Variants in PCYT1A observed in about 807,000 individuals in gnomAD.
PCYT1A encodes phosphate cytidylyltransferase 1A, choline.
In PCYT1A, 25 loss-of-function variants were observed where a neutral mutation model predicts 43.7. The ratio of observed to expected loss-of-function variants is 0.57; its 90% CI spans 0.42 to 0.80. The LOEUF (loss-of-function observed/expected upper bound fraction) is 0.80, where lower values mean the gene tolerates loss of function less well. Among genes scored for constraint, PCYT1A ranks in the 30% least tolerant of loss-of-function variants. The pLI is 0.00. For synonymous variants in PCYT1A, 172 were observed against 170.7 expected, an observed-to-expected ratio of 1.01 and a Z score of -0.06; for missense variants, 421 against 474.2, an observed-to-expected ratio of 0.89 and a Z score of 1.04.
intron 2 of PCYT1A, among the ~76,000 whole-genome samples, chr3:196,259,813 C>A (rs1188506904): frequency 1.1e-4 from 17 of 147,920 alleles, no homozygotes; most frequent in African/African-American, 4.0e-4. Context: ...CCACTGCACT[C>A]CAGCCTGGGC....
chr3:196,243,633 G>A (rs555814385), intron 5 of PCYT1A, among the ~76,000 whole-genome samples: 3 of 152,090 alleles, frequency 2.0e-5, no homozygotes, highest in Non-Finnish European at 4.4e-5. Context: ...CAACCTCCCT[G>A]CCTGATTCTC....
At chr3:196,262,123 A>C (rs73086612) in intron 2 of PCYT1A, among the ~76,000 whole-genome samples, 34 of 152,312 alleles carry the variant, frequency 2.2e-4, no homozygotes, top group Admixed American at 9.2e-4. Flanking sequence ...CCTAAAACAC[A>C]TCTCCTTCAT....
At position 196,237,657 on chromosome 3, in the gene PCYT1A, A is replaced by G. The variant is rs896533718; in HGVS notation, c.*1031T>C. 4 of 152,252 alleles carry G rather than the reference A, an allele frequency of 2.6e-5. No homozygotes were observed. Among genetic ancestry groups the G allele is most frequent in the African/African-American group, 9.6e-5 (4 of 41,462 alleles). The allele number at this position is 152,252 out of a possible 1,614,324, so 9.4% of individuals were successfully genotyped here. A position where few individuals can be genotyped will look rare whatever the true frequency, so the allele number is the denominator to read the frequency against. On this transcript the variant is annotated 3_prime_UTR_variant, in exon 9 of 9. Transcript: ENST00000431016. Reference sequence around the variant, plus strand: ...ATGCTTTTGCCTTTACATTCTGTGCAAATCTCTCTAATATGGCTATGACCA... The same window carrying G: ...ATGCTTTTGCCTTTACATTCTGTGCGAATCTCTCTAATATGGCTATGACCA...
Position 196,235,668 on chromosome 3 carries a change from C to G in PCYT1A, c.*3020G>C, listed in dbSNP as rs1724140528. ...TTCTAATGTCTCACACACAGAGGCT[C>G]TGCTCTAAGGCCAACACTTCTGGCT... On this transcript the variant is annotated 3_prime_UTR_variant, in exon 9 of 9. Coordinates refer to ENST00000431016, the MANE Select transcript of PCYT1A (RefSeq NM_001312673.2). The surrounding 1 kb of genome is among the most constrained non-coding windows in gnomAD (Gnocchi z 4.3). 1.3e-5 allele frequency: 2 copies of G among 152,300 alleles called. No homozygotes were observed. The highest frequency in any genetic ancestry group is 4.1e-4 in the South Asian group (2 of 4,834). The allele number at this position is 152,300 out of a possible 1,614,324, so 9.4% of individuals were successfully genotyped here. A position where few individuals can be genotyped will look rare whatever the true frequency, so the allele number is the denominator to read the frequency against.
rs1724812684 is a variant in PCYT1A at position 196,252,074 on chromosome 3, GACTAC to G, written c.218-3756_218-3752del. 5.3e-5 allele frequency among the ~76,000 whole-genome samples: 8 copies of G among 149,950 alleles called. No homozygotes were observed. The East Asian group carries it at 1.1e-3, about 20-fold the overall frequency. ...ACAGCGCACACCACCACGCCCCGCT[GACTAC>G]AGCGCACCCCGCCACGCCCCGCAGA... On this transcript the variant is annotated intron_variant, in intron 3 of 8. Coordinates refer to ENST00000431016, the MANE Select transcript of PCYT1A (RefSeq NM_001312673.2). This position sits in a 1 kb window ranked among gnomAD's most constrained non-coding sequence, Gnocchi z 4.0.
At chr3:196,244,327 C>T (rs1724479436) in intron 5 of PCYT1A, among the ~76,000 whole-genome samples, 1 of 149,962 alleles carries the variant, frequency 6.7e-6, no homozygotes, top group East Asian at 2.0e-4. Flanking sequence ...TGAGGAGCGC[C>T]TCCTCCCCGC....
intron 3 of PCYT1A, among the ~76,000 whole-genome samples, chr3:196,248,819 C>T (rs185434610): frequency 2.7e-4 from 41 of 150,956 alleles, no homozygotes; most frequent in African/African-American, 9.7e-4. Flanking sequence ...TGCAGTGGCA[C>T]GATCTCGGCT....
chr3:196,280,570 G>GTTTTTTTTTTTTTTTTTTTTTTTATTTT, intron 1 of PCYT1A, among the ~76,000 whole-genome samples: 1 of 91,342 alleles, frequency 1.1e-5, no homozygotes, highest in Non-Finnish European at 2.1e-5. Context: ...TATTTTTATT[G>GTTTTTTTTTTTTTTTTTTTTTTTATTTT]TTTTTTTTTT....
rs923243467 is a variant in PCYT1A at position 196,263,255 on chromosome 3, C to T, written c.118-5368G>A. Among the ~76,000 whole-genome samples, 12 of 152,100 alleles carry T rather than the reference C, an allele frequency of 7.9e-5. 1 individual carries two copies. Among genetic ancestry groups the T allele is most frequent in the African/African-American group, 2.4e-4 (10 of 41,388 alleles). On this transcript the variant is annotated intron_variant, in intron 2 of 8. Transcript: ENST00000431016. ...TTTAAGAGACAGGGTCTCACTGTTG[C>T]CCAGGTTGGAATGCAGCAGTGCGAT...
rs1724841946 is a variant in PCYT1A, at chr3:196,252,797, G to A, written c.218-4474C>T. On this transcript the variant is annotated intron_variant, in intron 3 of 8. Coordinates refer to ENST00000431016, the MANE Select transcript of PCYT1A (RefSeq NM_001312673.2). This position sits in a 1 kb window ranked among gnomAD's most constrained non-coding sequence, Gnocchi z 4.0. ...AATTCCAGCACCTTGGGAGACCAAG[G>A]TAGGAGGACTGCTTGAGCCCAGGAG... is the stretch of plus-strand genomic sequence containing the variant. Among the ~76,000 whole-genome samples, 1 of 152,062 alleles carries A rather than the reference G, an allele frequency of 6.6e-6. No individual in the cohort carries two copies. Among genetic ancestry groups the A allele is most frequent in the South Asian group, 2.1e-4 (1 of 4,826 alleles).
chr3:196,236,105 C>T lies in PCYT1A; in HGVS notation c.*2583G>A, dbSNP rs1724154988. ...TCAGAGGCCTGTCAGCCTGCAGGTC[C>T]CGTTCCAAGCACAGGGCATGCCAAG... On this transcript the variant is annotated 3_prime_UTR_variant, in exon 9 of 9. Coordinates refer to ENST00000431016, the MANE Select transcript of PCYT1A (RefSeq NM_001312673.2). 2 of 152,188 alleles carry T rather than the reference C, an allele frequency of 1.3e-5. No homozygotes were observed. The highest frequency in any genetic ancestry group is 2.9e-5 in the Non-Finnish European group (2 of 68,038). 9.4% of individuals were successfully genotyped at this position (152,188 alleles called of 1,614,324 possible). A position where few individuals can be genotyped will look rare whatever the true frequency, so the allele number is the denominator to read the frequency against.
chr3:196,258,071 G>A (rs1478081719), intron 2 of PCYT1A, among the ~76,000 whole-genome samples, 184 bp from the exon 3 acceptor site: 2 of 152,070 alleles, frequency 1.3e-5, no homozygotes, highest in African/African-American at 4.8e-5. Flanking sequence ...TGGATCATGA[G>A]GTCAGGAGAT....
rs1373107554 is a variant in PCYT1A at position 196,242,873 on chromosome 3, G to C, written c.487-233C>G. The stretch of plus-strand genomic sequence containing the variant: ...GCTGCTTTTGTAGCTATTTCTCCTA[G>C]TCTGCTAGAACTGTTACCCTCACTC... On this transcript the variant is annotated intron_variant, in intron 5 of 8. Transcript: ENST00000431016. The surrounding 1 kb of genome is among the most constrained non-coding windows in gnomAD (Gnocchi z 4.2). 1.8e-6 allele frequency: 1 copy of C among 549,696 alleles called. No individual in the cohort carries two copies. The highest frequency in any genetic ancestry group is 3.2e-5 in the East Asian group (1 of 31,418). 34.1% of individuals were successfully genotyped at this position (549,696 alleles called of 1,614,324 possible).
At chr3:196,241,452 T>C in intron 7 of PCYT1A, 1 of 1,225,440 alleles carries the variant, frequency 8.2e-7, no homozygotes, top group African/African-American at 1.5e-5. Context: ...CCTCCCAAAG[T>C]ACAGGCATGA....
chr3:196,272,341 C>T (rs1177084113), intron 1 of PCYT1A, among the ~76,000 whole-genome samples: 1 of 152,186 alleles, frequency 6.6e-6, no homozygotes, highest in Non-Finnish European at 1.5e-5. Flanking sequence ...CCCACCACCA[C>T]GCCTGGCTAA....
Position 196,268,125 on chromosome 3 carries a change from T to TA in PCYT1A, c.117+2289dup, listed in dbSNP as rs36042491. On this transcript the variant is annotated intron_variant, in intron 2 of 8. Transcript: ENST00000431016. The surrounding 1 kb of genome is among the most constrained non-coding windows in gnomAD (Gnocchi z 4.4). ...AGCATTAAGACTCCCCAGAAGAATT[T>TA]AAAAAAAAAAAAGATTCCCAGAGTC... 2.8e-5 allele frequency among the ~76,000 whole-genome samples: 4 copies of TA among 144,600 alleles called. No individual in the cohort carries two copies. The highest frequency in any genetic ancestry group is 7.8e-5 in the African/African-American group (3 of 38,228). The allele number at this position is 144,600 out of a possible 152,430, so 94.9% of individuals were successfully genotyped here.
At chr3:196,287,490 G>GTGA (rs1725947424) in intron 1 of PCYT1A, 125 bp downstream of exon 1, 7 of 152,424 alleles carry the variant, frequency 4.6e-5, no homozygotes, top group Non-Finnish European at 7.3e-5. Flanking sequence ...GGTCACAGTA[G>GTGA]CCTCCCAGCC....
chr3:196,263,854 G>A (rs912979764), intron 2 of PCYT1A, among the ~76,000 whole-genome samples: 6 of 151,942 alleles, frequency 3.9e-5, no homozygotes, highest in African/African-American at 4.8e-5. Context: ...GGATGGTCTC[G>A]ATCACTTGAC....
intron 2 of PCYT1A, among the ~76,000 whole-genome samples, chr3:196,266,762 G>A (rs569653149): frequency 1.6e-4 from 24 of 151,778 alleles, no homozygotes; most frequent in Non-Finnish European, 2.8e-4. Flanking sequence ...TGGTGGCGGC[G>A]CATGCCTGTA....
Sources: allele counts gnomAD v4.1 joint callset (sites outside exome capture counted in the v4.1 genomes callset), GRCh38; gene constraint gnomAD v4.1.1; non-coding constraint Gnocchi (gnomAD v3.1); transcripts MANE v1.5; gene names NCBI Gene and HGNC (gene_info 2026-07-23, HGNC 2026-07-21).